The following CEP170 variants were observed in gnomAD, a reference collection of about 807,000 sequenced individuals.
CEP170 encodes the protein centrosomal protein of 170 kDa.
A neutral mutation model predicts 151.9 loss-of-function variants in CEP170; 21 were observed. That is an observed-to-expected ratio of 0.14 (90% CI 0.10 to 0.20). CEP170 has a LOEUF of 0.20. Ranked by LOEUF, CEP170 falls within the 10% of genes least tolerant of loss-of-function variation. The probability of loss-of-function intolerance (pLI) is 1.00; values close to 1 mark genes in which losing one functional copy is unlikely to be tolerated. For synonymous variants in CEP170, 356 were observed against 648.8 expected (o/e 0.55, Z 6.86); for missense variants, 964 against 1,892.9 (o/e 0.51, Z 9.11).
Position 243,140,065 on chromosome 1 carries a change from T to A in CEP170, c.4102A>T (p.Ile1368Phe), listed in dbSNP as rs2055645848. The A allele has an allele frequency of 6.2e-7, 1 of 1,613,804 alleles. No individual in the cohort carries two copies. The highest frequency in any genetic ancestry group is 8.5e-7 in the Non-Finnish European group (1 of 1,179,838). ...GTTTTGGAATGAACTAATGGAGGAA[T>A]CTTTCGGAAGTTGAGGCTTTCATCA... ...VFDESLNFRK[I>F]PPLVHSKTPE... is the part of the protein sequence containing the mutation. Residue 1368 changes from isoleucine (I) to phenylalanine (F), a missense_variant, in exon 16 of 20, where the codon ATT becomes TTT. Physicochemically the swap from Ile to Phe is conservative, Grantham distance 21 (BLOSUM62 0). Transcript: ENST00000366542.
chr1:243,249,853 G>A (rs1244587743), intron 1 of CEP170, among the ~76,000 whole-genome samples: 1 of 152,198 alleles, frequency 6.6e-6, no homozygotes, highest in Non-Finnish European at 1.5e-5. Context: ...AGAGGCCTAG[G>A]CAGTGGACCA....
chr1:243,201,875 C>T (rs960952824), intron 4 of CEP170, among the ~76,000 whole-genome samples: 4 of 152,118 alleles, frequency 2.6e-5, no homozygotes, highest in Admixed American at 2.6e-4. Flanking sequence ...CAGGCCAGGG[C>T]TCTCCTATTA....
intron 3 of CEP170, among the ~76,000 whole-genome samples, chr1:243,216,514 T>C (rs1314820102): frequency 6.6e-6 from 1 of 152,144 alleles, no homozygotes; most frequent in Non-Finnish European, 1.5e-5. Flanking sequence ...CATGATAGCT[T>C]ATTTGAGAAG....
intron 8 of CEP170, among the ~76,000 whole-genome samples, chr1:243,189,382 C>T (rs1033100581): frequency 6.6e-6 from 1 of 151,784 alleles, no homozygotes; most frequent in Admixed American, 6.6e-5. Context: ...CGGTGAAACC[C>T]CGTCTCTACT....
At position 243,191,298 on chromosome 1, in the gene CEP170, C is replaced by A. The variant is rs368223938; in HGVS notation, c.828G>T (p.Gly276=). The A allele has an allele frequency of 6.8e-5, 110 of 1,612,904 alleles. No individual in the cohort carries two copies. The highest frequency in any genetic ancestry group is 4.2e-5 in the Non-Finnish European group (50 of 1,179,466). ...DTPSSHITGA[G]HASFTIEFDD... is the part of the protein sequence containing the mutation. Reference sequence around the variant, plus strand: ...CAAATTCAATGGTAAATGAAGCATGCCCTGCACCTGTTATATGGGAACTTG... The same window carrying A: ...CAAATTCAATGGTAAATGAAGCATGACCTGCACCTGTTATATGGGAACTTG... Residue 276 remains glycine (G), a synonymous_variant, in exon 8 of 20, where the codon GGG becomes GGT. Transcript: ENST00000366542.
At chr1:243,155,949 A>T (rs1174150312) in intron 14 of CEP170, among the ~76,000 whole-genome samples, 1 of 152,018 alleles carries the variant, frequency 6.6e-6, no homozygotes, top group Non-Finnish European at 1.5e-5. Flanking sequence ...CTTACTTATC[A>T]CCATCTTTAA....
chr1:243,168,334 A>G lies in CEP170; in HGVS notation c.1843+1294T>C, dbSNP rs2058588890. On this transcript the variant is annotated intron_variant, in intron 12 of 19. Coordinates refer to ENST00000366542, the MANE Select transcript of CEP170 (RefSeq NM_014812.3). ...GAGACAAAACAAATTTCCATTTTCA[A>G]CCGGAATGAAATTAAGAAAACAGAT... The G allele has an allele frequency of 2.6e-5, 4 of 152,008 alleles. No individual in the cohort carries two copies. The South Asian group carries it at 8.3e-4, about 31-fold the overall frequency. The allele number at this position is 152,008 out of a possible 1,614,324, so 9.4% of individuals were successfully genotyped here. A position where few individuals can be genotyped will look rare whatever the true frequency, so the allele number is the denominator to read the frequency against.
chr1:243,218,786 T>A (rs2148964173), intron 3 of CEP170, among the ~76,000 whole-genome samples: 2 of 152,340 alleles, frequency 1.3e-5, no homozygotes, highest in Middle Eastern at 3.4e-3. Flanking sequence ...CTTATTTATA[T>A]CTTTACAACA....
chr1:243,179,675 T>C (rs1572077343), intron 10 of CEP170, among the ~76,000 whole-genome samples: 1 of 152,364 alleles, frequency 6.6e-6, no homozygotes. Context: ...CAACGAATCA[T>C]ACACAAATGC....
chr1:243,202,899 T>A (rs1199543706), intron 4 of CEP170, among the ~76,000 whole-genome samples: 1 of 152,266 alleles, frequency 6.6e-6, no homozygotes, highest in African/African-American at 2.4e-5. Flanking sequence ...TGCTTCAAGC[T>A]TACCTCCTGG....
In CEP170 at chr1:243,169,652, A is replaced by G; in HGVS notation, c.1819T>C (p.Ser607Pro). 6.2e-7 allele frequency: 1 copy of G among 1,604,218 alleles called. No individual in the cohort carries two copies. The highest frequency in any genetic ancestry group is 8.5e-7 in the Non-Finnish European group (1 of 1,175,172). ...HDQEERIMEF[S>P]APLPLENETE... ...CCATTCTCTAAAGGAAGAGGTGCAGAAAATTCCATTATCCTTTCTTCTTGA... is the reference window on the plus strand; with the variant it reads ...CCATTCTCTAAAGGAAGAGGTGCAGGAAATTCCATTATCCTTTCTTCTTGA... Residue 607 changes from serine to proline, a missense_variant, in exon 12 of 20, where the codon TCT becomes CCT. By Grantham distance (74) the Ser-to-Pro change is moderately conservative (BLOSUM62 -1). Transcript: ENST00000366542.
intron 16 of CEP170, 34 bp downstream of exon 16, chr1:243,139,903 T>C (rs371277210): frequency 2.7e-4 from 436 of 1,602,016 alleles, no homozygotes; most frequent in Non-Finnish European, 3.4e-4. Context: ...AATATGCTGC[T>C]TCTGCCACAT....
chr1:243,152,678 C>T (rs980758142), intron 14 of CEP170, among the ~76,000 whole-genome samples: 2 of 151,246 alleles, frequency 1.3e-5, no homozygotes, highest in East Asian at 2.0e-4. Context: ...ACTACAGGCA[C>T]GTACCACCAT....
At position 243,244,070 on chromosome 1, in the gene CEP170, T is replaced by C. The variant is rs186857263; in HGVS notation, c.-42+10970A>G. 4.1e-3 allele frequency among the ~76,000 whole-genome samples: 618 copies of C among 152,274 alleles called. 3 individuals carry two copies. The highest frequency in any genetic ancestry group is 7.0e-3 in the Non-Finnish European group (475 of 68,028). On this transcript the variant is annotated intron_variant, in intron 1 of 19. Transcript: ENST00000366542. ...CGGAAAATGTAAAACTGAAACATAA[T>C]TAGCCTCAATTAATTTAAGAACACT...
intron 14 of CEP170, among the ~76,000 whole-genome samples, chr1:243,144,818 A>C (rs2056274979): frequency 6.6e-6 from 1 of 152,216 alleles, no homozygotes; most frequent in African/African-American, 2.4e-5. Context: ...TTATTACAAA[A>C]TATGGATAAG....
intron 17 of CEP170, among the ~76,000 whole-genome samples, chr1:243,131,169 C>T (rs2054361860): frequency 6.6e-6 from 1 of 151,982 alleles, no homozygotes; most frequent in African/African-American, 2.4e-5. Context: ...AAAAATGCCC[C>T]CCTGAAGAAA....
chr1:243,242,367 C>T (rs1180740011), intron 1 of CEP170, among the ~76,000 whole-genome samples: 5 of 152,050 alleles, frequency 3.3e-5, no homozygotes, highest in Non-Finnish European at 5.9e-5. Flanking sequence ...TACAGGCGCC[C>T]GCCACCACGC....
chr1:243,250,118 CA>C (rs1206902388), intron 1 of CEP170, among the ~76,000 whole-genome samples: 6 of 151,936 alleles, frequency 3.9e-5, no homozygotes, highest in South Asian at 2.1e-4. Context: ...AACAAACAAA[CA>C]AAAAAAACCC....
intron 1 of CEP170, among the ~76,000 whole-genome samples, chr1:243,243,011 A>C (rs1388105084): frequency 1.3e-5 from 2 of 152,102 alleles, no homozygotes; most frequent in African/African-American, 2.4e-5. Flanking sequence ...TAAATTTTTG[A>C]ATTGTTGATT....
Sources: allele counts gnomAD v4.1 joint callset (sites outside exome capture counted in the v4.1 genomes callset), GRCh38; gene constraint gnomAD v4.1.1; transcripts MANE v1.5; gene names NCBI Gene and HGNC (gene_info 2026-07-23, HGNC 2026-07-21).